MMP16: variants seen among roughly 807,000 people sequenced by gnomAD.
The protein encoded by MMP16 is matrix metalloproteinase-16.
MMP16 carries 12 observed loss-of-function variants against 67.8 expected under a neutral mutation model. The observed-to-expected ratio is 0.18, with a 90% CI of 0.11 to 0.29. MMP16 has a LOEUF of 0.29. Ranked by LOEUF, MMP16 falls within the 10% of genes least tolerant of loss-of-function variation. The probability of loss-of-function intolerance (pLI) is 1.00; values close to 1 mark genes in which losing one functional copy is unlikely to be tolerated. For synonymous variants in MMP16, 249 were observed against 255.9 expected (o/e 0.97, Z 0.26); for missense variants, 475 against 765.7 (o/e 0.62, Z 4.48).
chr8:88,033,801 A>G lies in MMP16; in HGVS notation c.*7660T>C, dbSNP rs899119159. ...CAAGGCAGCAAAAAGCTGCCTCTGT[A>G]ACACCCCTAATTCTTTGATTCTATC... On this transcript the variant is annotated 3_prime_UTR_variant, in exon 10 of 10. Coordinates refer to ENST00000286614, the MANE Select transcript of MMP16 (RefSeq NM_005941.5). The G allele has an allele frequency of 1.3e-5, 2 of 152,052 alleles. No individual in the cohort carries two copies. Among genetic ancestry groups the G allele is most frequent in the African/African-American group, 2.4e-5 (1 of 41,428 alleles). 9.4% of individuals were successfully genotyped at this position (152,052 alleles called of 1,614,324 possible).
chr8:88,071,396 A>G (rs1294203996), intron 7 of MMP16, among the ~76,000 whole-genome samples: 1 of 152,100 alleles, frequency 6.6e-6, no homozygotes, highest in Non-Finnish European at 1.5e-5. Flanking sequence ...AAATACATTT[A>G]TATCCAAACA....
intron 1 of MMP16, among the ~76,000 whole-genome samples, chr8:88,219,840 T>C (rs1809650257): frequency 6.6e-6 from 1 of 152,276 alleles, no homozygotes; most frequent in Middle Eastern, 3.4e-3. Flanking sequence ...CTTTGAATTT[T>C]TGAGTTGAAT....
intron 9 of MMP16, among the ~76,000 whole-genome samples, chr8:88,042,445 C>G (rs1008665152): frequency 1.3e-5 from 2 of 152,256 alleles, no homozygotes; most frequent in South Asian, 4.1e-4. Context: ...TCATAGTATT[C>G]GGTACTCTAA....
chr8:88,133,493 A>C (rs1157681856), intron 4 of MMP16, among the ~76,000 whole-genome samples: 2 of 151,812 alleles, frequency 1.3e-5, no homozygotes, highest in Admixed American at 1.3e-4. Context: ...TTAATGTTTG[A>C]GTTATAGGAT....
chr8:88,282,161 G>T (rs1401701812), intron 1 of MMP16, among the ~76,000 whole-genome samples: 4 of 145,450 alleles, frequency 2.8e-5, no homozygotes, highest in Non-Finnish European at 5.9e-5. Context: ...TGCTACCTCC[G>T]CCTCCCGGAC....
chr8:88,042,101 T>G (rs537022134), intron 9 of MMP16, among the ~76,000 whole-genome samples: 1 of 152,244 alleles, frequency 6.6e-6, no homozygotes, highest in African/African-American at 2.4e-5. Flanking sequence ...AAGAGAACCT[T>G]ATCTTTTTGC....
intron 1 of MMP16, among the ~76,000 whole-genome samples, chr8:88,237,240 T>G (rs1003159269): frequency 6.6e-6 from 1 of 152,214 alleles, no homozygotes; most frequent in Non-Finnish European, 1.5e-5. Flanking sequence ...TTCAACTACC[T>G]TATTTTATAG....
intron 1 of MMP16, among the ~76,000 whole-genome samples, chr8:88,261,708 C>A: frequency 6.6e-6 from 1 of 151,690 alleles, no homozygotes; most frequent in East Asian, 1.9e-4. Context: ...TATACATATA[C>A]ATATGTACAC....
chr8:88,274,576 A>T (rs2129979903), intron 1 of MMP16, among the ~76,000 whole-genome samples: 1 of 152,176 alleles, frequency 6.6e-6, no homozygotes, highest in East Asian at 1.9e-4. Context: ...GCATGAAGGA[A>T]CACCTGCTTG....
chr8:88,267,465 C>A (rs955117062), intron 1 of MMP16, among the ~76,000 whole-genome samples: 6 of 152,206 alleles, frequency 3.9e-5, no homozygotes, highest in African/African-American at 1.4e-4. Context: ...TATTAATGTG[C>A]CTGCCTCCTC....
At chr8:88,151,846 C>T (rs1227588712) in intron 4 of MMP16, among the ~76,000 whole-genome samples, 17 of 119,432 alleles carry the variant, frequency 1.4e-4, no homozygotes, top group Non-Finnish European at 2.6e-4. Flanking sequence ...TAGCAGAAGG[C>T]AAGAAATAAC....
At chr8:88,326,951 C>A (rs1811548649) in intron 1 of MMP16, 124 bp downstream of exon 1, 1 of 1,300,038 alleles carries the variant, frequency 7.7e-7, no homozygotes, top group South Asian at 1.3e-5. Flanking sequence ...GTCTCCACAG[C>A]TGGAAGGGAA....
At chr8:88,091,946 A>T (rs1808945318) in intron 6 of MMP16, among the ~76,000 whole-genome samples, 1 of 151,858 alleles carries the variant, frequency 6.6e-6, no homozygotes. Flanking sequence ...GCCTTGCTCT[A>T]GAAAATAACA....
chr8:88,209,084 C>T (rs1416015087), intron 1 of MMP16, among the ~76,000 whole-genome samples: 1 of 151,996 alleles, frequency 6.6e-6, no homozygotes, highest in Non-Finnish European at 1.5e-5. Flanking sequence ...ATGAAGCAAG[C>T]ACTGAAACTA....
chr8:88,217,191 G>A (rs952922825), intron 1 of MMP16, among the ~76,000 whole-genome samples: 1 of 151,986 alleles, frequency 6.6e-6, no homozygotes, highest in Non-Finnish European at 1.5e-5. Context: ...TCTCTAAGAA[G>A]CCAGCTGCTT....
chr8:88,317,448 CT>C (rs1201022680), intron 1 of MMP16, among the ~76,000 whole-genome samples: 2 of 152,094 alleles, frequency 1.3e-5, no homozygotes, highest in Admixed American at 6.6e-5. Flanking sequence ...TATGTACATG[CT>C]TTTTTAGGTA....
chr8:88,133,045 A>T (rs550668535), intron 4 of MMP16, among the ~76,000 whole-genome samples: 1 of 152,008 alleles, frequency 6.6e-6, no homozygotes, highest in African/African-American at 2.4e-5. Context: ...TACTGTATTC[A>T]AAGTCAGCAA....
At chr8:88,063,372 T>C (rs1263942417) in intron 7 of MMP16, among the ~76,000 whole-genome samples, 1 of 152,094 alleles carries the variant, frequency 6.6e-6, no homozygotes, top group African/African-American at 2.4e-5. Context: ...AAAAAGTTCC[T>C]GTCTTTGTGG....
Position 88,327,234 on chromosome 8 carries a change from A to G in MMP16, c.-28T>C. 6.2e-7 allele frequency: 1 copy of G among 1,612,936 alleles called. No homozygotes were observed. The highest frequency in any genetic ancestry group is 8.5e-7 in the Non-Finnish European group (1 of 1,179,338). Reference sequence around the variant, plus strand: ...TGAACTGTGCTTCAATGGATGGACGAGCTCCCCTTCGTTTTCTCCCTCTCT... The same window carrying G: ...TGAACTGTGCTTCAATGGATGGACGGGCTCCCCTTCGTTTTCTCCCTCTCT... On this transcript the variant is annotated 5_prime_UTR_variant, in exon 1 of 10. Coordinates refer to ENST00000286614, the MANE Select transcript of MMP16 (RefSeq NM_005941.5).
Sources: gnomAD v4.1 joint callset for allele counts (sites outside exome capture counted in the v4.1 genomes callset) on GRCh38, gnomAD v4.1.1 for gene constraint, MANE v1.5 for transcripts, NCBI Gene and HGNC (gene_info 2026-07-23, HGNC 2026-07-21) for gene names.